Variants in KCNN3 observed in about 807,000 individuals in gnomAD.
The protein encoded by KCNN3 is potassium calcium-activated channel subfamily N member 3.
KCNN3 carries 16 observed loss-of-function variants against 62.9 expected under a neutral mutation model. The ratio of observed to expected loss-of-function variants is 0.25; its 90% CI spans 0.17 to 0.39. The LOEUF (loss-of-function observed/expected upper bound fraction) is 0.39. Among genes scored for constraint, KCNN3 ranks in the 10% least tolerant of loss-of-function variants. KCNN3 has a pLI of 1.00. For missense variants in KCNN3, 599 were observed against 949.4 expected (o/e 0.63, Z 4.85); for synonymous variants, 370 against 389.2 (o/e 0.95, Z 0.58).
At chr1:154,748,863 G>A (rs1021036388) in intron 3 of KCNN3, among the ~76,000 whole-genome samples, 17 of 152,222 alleles carry the variant, frequency 1.1e-4, no homozygotes, top group Non-Finnish European at 1.5e-4. Flanking sequence ...TCTGGAGGCT[G>A]AGGTGGGAGG....
chr1:154,768,588 G>A (rs1236951636), intron 3 of KCNN3, among the ~76,000 whole-genome samples: 6 of 152,166 alleles, frequency 3.9e-5, no homozygotes, highest in South Asian at 4.1e-4. Flanking sequence ...AGAAGCAAAC[G>A]GGGTTAGGCC....
intron 2 of KCNN3, among the ~76,000 whole-genome samples, chr1:154,806,264 G>T (rs2101878883): frequency 6.6e-6 from 1 of 152,312 alleles, no homozygotes. Flanking sequence ...CCCACCTGCT[G>T]CCAAGAACAG....
At chr1:154,868,150 G>A in intron 1 of KCNN3, 1 of 985,580 alleles carries the variant, frequency 1.0e-6, no homozygotes, top group Non-Finnish European at 1.2e-6. Context: ...GGCTGAGCTG[G>A]GGCGCGGGCT....
chr1:154,755,787 G>GGA (rs1647645330), intron 3 of KCNN3, among the ~76,000 whole-genome samples: 6 of 129,926 alleles, frequency 4.6e-5, no homozygotes, highest in African/African-American at 1.7e-4. Context: ...AGAGAGAGAG[G>GGA]GGAGGAGGAG....
intron 2 of KCNN3, among the ~76,000 whole-genome samples, chr1:154,784,367 A>G (rs2101854250): frequency 6.6e-6 from 1 of 152,152 alleles, no homozygotes; most frequent in African/African-American, 2.4e-5. Flanking sequence ...TGGCCCCTCT[A>G]TCCCCATCAC....
chr1:154,717,311 A>G (rs1260598892), intron 5 of KCNN3, among the ~76,000 whole-genome samples: 1 of 152,234 alleles, frequency 6.6e-6, no homozygotes, highest in African/African-American at 2.4e-5. Context: ...AATGCTACAT[A>G]AAATGTAAAG....
At chr1:154,864,235 C>CT (rs1173001228) in intron 1 of KCNN3, among the ~76,000 whole-genome samples, 1 of 152,266 alleles carries the variant, frequency 6.6e-6, no homozygotes, top group Non-Finnish European at 1.5e-5. Flanking sequence ...CCTACTCCTA[C>CT]TTTTCCACCA....
intron 2 of KCNN3, among the ~76,000 whole-genome samples, chr1:154,801,748 T>C (rs1342733261): frequency 6.6e-6 from 1 of 152,146 alleles, no homozygotes; most frequent in Non-Finnish European, 1.5e-5. Flanking sequence ...CTGGCATCTC[T>C]AGCCAACAGC....
intron 1 of KCNN3, among the ~76,000 whole-genome samples, chr1:154,850,955 A>T (rs956037431): frequency 5.9e-5 from 9 of 152,142 alleles, no homozygotes; most frequent in Non-Finnish European, 1.3e-4. Context: ...AGGCATGGAT[A>T]ACTTAGCTGA....
chr1:154,834,155 A>T (rs1651487011), intron 1 of KCNN3, among the ~76,000 whole-genome samples: 1 of 152,160 alleles, frequency 6.6e-6, no homozygotes, highest in African/African-American at 2.4e-5. Context: ...CTCTCTCACT[A>T]GCTCTCTGGC....
intron 1 of KCNN3, among the ~76,000 whole-genome samples, chr1:154,839,009 C>G (rs1651714888): frequency 6.6e-6 from 1 of 152,222 alleles, no homozygotes; most frequent in Admixed American, 6.5e-5. Flanking sequence ...GATCTGCCTT[C>G]TGCTCTCCCT....
At chr1:154,816,662 C>T (rs1305205940) in intron 2 of KCNN3, among the ~76,000 whole-genome samples, 4 of 152,184 alleles carry the variant, frequency 2.6e-5, no homozygotes, top group Non-Finnish European at 2.9e-5. Context: ...CTCCCTTCCT[C>T]ACTCCTGCCC....
intron 2 of KCNN3, among the ~76,000 whole-genome samples, chr1:154,789,432 G>C (rs1331651229): frequency 6.6e-6 from 1 of 152,130 alleles, no homozygotes; most frequent in Non-Finnish European, 1.5e-5. Flanking sequence ...GTGGGGCAGG[G>C]GGGGGCATTA....
intron 1 of KCNN3, among the ~76,000 whole-genome samples, chr1:154,829,035 T>C (rs900169879): frequency 6.6e-6 from 1 of 152,182 alleles, no homozygotes; most frequent in African/African-American, 2.4e-5. Context: ...AACCCCAACC[T>C]GCTGAGCCTG....
intron 3 of KCNN3, among the ~76,000 whole-genome samples, chr1:154,753,668 G>A (rs1647492878): frequency 6.6e-6 from 1 of 152,174 alleles, no homozygotes; most frequent in African/African-American, 2.4e-5. Context: ...CACGAAATAG[G>A]GACCGTGGGT....
intron 1 of KCNN3, among the ~76,000 whole-genome samples, chr1:154,829,545 A>T (rs1651292906): frequency 6.6e-6 from 1 of 152,122 alleles, no homozygotes; most frequent in Non-Finnish European, 1.5e-5. Flanking sequence ...CTTGAGGTGG[A>T]TCCCCAGTGG....
chr1:154,726,979 C>T (rs925123600), intron 4 of KCNN3, among the ~76,000 whole-genome samples: 2 of 152,246 alleles, frequency 1.3e-5, no homozygotes, highest in African/African-American at 4.8e-5. Context: ...GAATTCCCTG[C>T]ACATTCCAAC....
At position 154,862,397 on chromosome 1, in the gene KCNN3, AG is replaced by A. The variant is rs1652803565; in HGVS notation, c.933+6634del. Among the ~76,000 whole-genome samples the A allele has an allele frequency of 6.6e-6, 1 of 152,180 alleles. No individual in the cohort carries two copies. Among genetic ancestry groups the A allele is most frequent in the Admixed American group, 6.5e-5 (1 of 15,280 alleles). On this transcript the variant is annotated intron_variant, in intron 1 of 7. Transcript: ENST00000271915. The surrounding 1 kb of genome is among the most constrained non-coding windows in gnomAD (Gnocchi z 4.1). ...TCCCCCGATAAACAGCCACACAGCC[AG>A]TGCTGGAGGAGAAAGGCAGCCTAAG...
intron 2 of KCNN3, among the ~76,000 whole-genome samples, chr1:154,779,336 T>C (rs1648925864): frequency 6.6e-6 from 1 of 152,220 alleles, no homozygotes; most frequent in Non-Finnish European, 1.5e-5. Flanking sequence ...ATTTTCCTTT[T>C]AGATTCTTAT....
Sources: gnomAD v4.1 joint callset for allele counts (sites outside exome capture counted in the v4.1 genomes callset) on GRCh38, gnomAD v4.1.1 for gene constraint, Gnocchi (gnomAD v3.1) non-coding constraint, MANE v1.5 for transcripts, NCBI Gene and HGNC (gene_info 2026-07-23, HGNC 2026-07-21) for gene names.